The following BCL2 variants were observed in gnomAD, a reference collection of about 807,000 sequenced individuals.
BCL2 encodes BCL2 apoptosis regulator.
A neutral mutation model predicts 14.2 loss-of-function variants in BCL2; 1 was observed. That is an observed-to-expected ratio of 0.07 (90% confidence interval 0.02 to 0.33). The LOEUF is 0.33. Ranked by LOEUF, BCL2 falls within the 10% of genes least tolerant of loss-of-function variation. The pLI is 0.99. For missense variants in BCL2, 247 were observed against 305.9 expected (o/e 0.81, Z 1.44); for synonymous variants, 151 against 137.2 (o/e 1.10, Z -0.70).
chr18:63,275,588 A>G (rs2144246424), intron 2 of BCL2, among the ~76,000 whole-genome samples: 1 of 152,384 alleles, frequency 6.6e-6, no homozygotes, highest in African/African-American at 2.4e-5. Flanking sequence ...ATTGTCGAAA[A>G]ATAAAAATAA....
chr18:63,194,865 G>A (rs954309056), intron 2 of BCL2, among the ~76,000 whole-genome samples: 1 of 152,214 alleles, frequency 6.6e-6, no homozygotes, highest in Non-Finnish European at 1.5e-5. Context: ...TGGCGTATAA[G>A]GCTTGCCTTG....
At chr18:63,258,412 C>T (rs948896131) in intron 2 of BCL2, among the ~76,000 whole-genome samples, 1 of 152,168 alleles carries the variant, frequency 6.6e-6, no homozygotes, top group East Asian at 1.9e-4. Flanking sequence ...AAGGTGTTTC[C>T]TCTGGAAAGT....
At position 63,169,291 on chromosome 18, in the gene BCL2, TCTTTCTTTCTTTCTTTCTTC is replaced by T. The variant is rs1382235952; in HGVS notation, c.586-40552_586-40533del. Among the ~76,000 whole-genome samples the T allele has an allele frequency of 6.4e-3, 515 of 80,130 alleles. 25 individuals are homozygous for T. Among genetic ancestry groups the T allele is most frequent in the Non-Finnish European group, 7.5e-3 (340 of 45,408 alleles). 52.6% of individuals were successfully genotyped at this position (80,130 alleles called of 152,430 possible). A position where few individuals can be genotyped will look rare whatever the true frequency, so the allele number is the denominator to read the frequency against. ...TTCTTTCTTTCTTTCTTTCTTTCTTTCTTTCTTTCTTTCTTTCTTCCTTCCTTCCTTCTTTCCTTTCCTTC... is the reference window on the plus strand; with the variant it reads ...TTCTTTCTTTCTTTCTTTCTTTCTTTCTTCCTTCCTTCTTTCCTTTCCTTC... On this transcript the variant is annotated intron_variant, in intron 2 of 2. Coordinates refer to ENST00000333681, the MANE Select transcript of BCL2 (RefSeq NM_000633.3).
intron 2 of BCL2, among the ~76,000 whole-genome samples, chr18:63,189,505 G>GA (rs1027379863): frequency 6.6e-6 from 1 of 151,998 alleles, no homozygotes; most frequent in African/African-American, 2.4e-5. Flanking sequence ...ACCCCTAAAA[G>GA]AAAAAAGCAA....
At chr18:63,244,632 A>C (rs529959181) in intron 2 of BCL2, among the ~76,000 whole-genome samples, 10 of 152,324 alleles carry the variant, frequency 6.6e-5, no homozygotes, top group African/African-American at 2.4e-4. Context: ...AGAATAATCC[A>C]GGTAAAATGT....
At chr18:63,225,634 G>C (rs1025806762) in intron 2 of BCL2, among the ~76,000 whole-genome samples, 1 of 152,208 alleles carries the variant, frequency 6.6e-6, no homozygotes, top group Non-Finnish European at 1.5e-5. Context: ...GAACTGGAGT[G>C]CATGGGCGCT....
chr18:63,177,041 C>T (rs1188711606), intron 2 of BCL2, among the ~76,000 whole-genome samples: 4 of 151,768 alleles, frequency 2.6e-5, no homozygotes, highest in Admixed American at 1.3e-4. Context: ...CTCAGCCTCC[C>T]GAGTAGCTGG....
intron 2 of BCL2, among the ~76,000 whole-genome samples, chr18:63,144,178 C>T (rs183004162): frequency 5.7e-4 from 87 of 152,316 alleles, no homozygotes; most frequent in Non-Finnish European, 1.0e-3. Context: ...CGTTTTAGCT[C>T]TTTCTTTCCT....
chr18:63,263,825 T>G (rs1409988864), intron 2 of BCL2, among the ~76,000 whole-genome samples: 1 of 152,234 alleles, frequency 6.6e-6, no homozygotes, highest in Non-Finnish European at 1.5e-5. Flanking sequence ...CCTTCTGGAC[T>G]GCTGCAAATT....
chr18:63,290,462 T>C (rs1912615051), intron 2 of BCL2, among the ~76,000 whole-genome samples: 1 of 152,142 alleles, frequency 6.6e-6, no homozygotes, highest in Non-Finnish European at 1.5e-5. Context: ...AAAATGGAAA[T>C]GAGGCGAGGT....
At chr18:63,297,287 T>C (rs1180460633) in intron 2 of BCL2, among the ~76,000 whole-genome samples, 1 of 152,254 alleles carries the variant, frequency 6.6e-6, no homozygotes. Flanking sequence ...ACGTTTAGTA[T>C]ATTTTATTAA....
chr18:63,190,858 C>T (rs982780456), intron 2 of BCL2, among the ~76,000 whole-genome samples: 1 of 152,180 alleles, frequency 6.6e-6, no homozygotes, highest in Non-Finnish European at 1.5e-5. Flanking sequence ...TCCCTCTCCT[C>T]GCCCACCCTC....
chr18:63,208,466 G>A (rs765292279), intron 2 of BCL2, among the ~76,000 whole-genome samples: 17 of 152,004 alleles, frequency 1.1e-4, no homozygotes, highest in Non-Finnish European at 2.1e-4. Context: ...GTATATTTGT[G>A]CTAAAACAGG....
chr18:63,219,899 A>G (rs1469764624), intron 2 of BCL2, among the ~76,000 whole-genome samples: 3 of 152,234 alleles, frequency 2.0e-5, no homozygotes, highest in African/African-American at 7.2e-5. Context: ...TGAATATACT[A>G]GCGGTAAAAT....
intron 2 of BCL2, among the ~76,000 whole-genome samples, chr18:63,272,149 G>A (rs910195378): frequency 1.3e-5 from 2 of 152,200 alleles, no homozygotes; most frequent in Non-Finnish European, 2.9e-5. Context: ...CAACCCAGCT[G>A]ACAGATGCTA....
chr18:63,150,483 G>A (rs899795864), intron 2 of BCL2, among the ~76,000 whole-genome samples: 1 of 152,138 alleles, frequency 6.6e-6, no homozygotes, highest in African/African-American at 2.4e-5. Flanking sequence ...GTCTTCTCTT[G>A]TTTTTCTTTC....
chr18:63,147,267 A>C (rs1051585964), intron 2 of BCL2, among the ~76,000 whole-genome samples: 2 of 152,186 alleles, frequency 1.3e-5, no homozygotes, highest in Non-Finnish European at 2.9e-5. Context: ...TGGTCCTCTA[A>C]AGGTCCTTGG....
Position 63,318,567 on chromosome 18 carries a change from C to G in BCL2, c.100G>C (p.Asp34His), listed in dbSNP as rs540701354. ...SQRGYEWDAG[D>H]VGAAPPGAAP... is the part of the protein sequence containing the mutation. ...GCCCCCGGGGGCGCGGCGCCCACATCTCCCGCATCCCACTCGTAGCCCCTC... is the reference window on the plus strand; with the variant it reads ...GCCCCCGGGGGCGCGGCGCCCACATGTCCCGCATCCCACTCGTAGCCCCTC... Residue 34 changes from aspartate to histidine, a missense_variant, in exon 2 of 3, where the codon GAT (aspartate) becomes CAT (histidine). Physicochemically the swap from Asp to His is moderately conservative, Grantham distance 81. Around this residue, in one of 3 missense-constraint regions of BCL2, gnomAD observed 144 missense variants for 135.3 expected, o/e 1.06. Transcript: ENST00000333681. The surrounding 1 kb of genome is among the most constrained non-coding windows in gnomAD (Gnocchi z 7.4). 2 of 1,596,986 alleles carry G rather than the reference C, an allele frequency of 1.3e-6. No homozygotes were observed. The highest frequency in any genetic ancestry group is 1.4e-5 in the African/African-American group (1 of 73,008).
At chr18:63,169,155 C>A (rs1006187282) in intron 2 of BCL2, among the ~76,000 whole-genome samples, 2 of 152,184 alleles carry the variant, frequency 1.3e-5, no homozygotes, top group African/African-American at 4.8e-5. Context: ...ATTTCCTAAT[C>A]GATTCCATGG....
Sources: allele counts gnomAD v4.1 joint callset (sites outside exome capture counted in the v4.1 genomes callset), GRCh38; gene constraint gnomAD v4.1.1; regional missense constraint gnomAD v4.1.1; non-coding constraint Gnocchi (gnomAD v3.1); transcripts MANE v1.5; gene names NCBI Gene and HGNC (gene_info 2026-07-23, HGNC 2026-07-21).